Variants in DYRK4 observed in about 807,000 individuals in gnomAD.
The protein encoded by DYRK4 is dual specificity tyrosine-phosphorylation-regulated kinase 4.
A neutral mutation model predicts 68.3 loss-of-function variants in DYRK4; 64 were observed. That is an observed-to-expected ratio of 0.94 (90% CI 0.77 to 1.15). The LOEUF (loss-of-function observed/expected upper bound fraction) is 1.15, where lower values mean the gene tolerates loss of function less well. Ranked by LOEUF, DYRK4 falls within the 50% of genes most tolerant of loss-of-function variation. DYRK4 has a pLI of 0.00. For synonymous variants in DYRK4, 274 were observed against 289.9 expected (o/e 0.95, Z 0.56); for missense variants, 740 against 764.7 (o/e 0.97, Z 0.38).
At chr12:4,597,122 C>A in intron 8 of DYRK4, 1 of 1,067,654 alleles carries the variant, frequency 9.4e-7, no homozygotes, top group Non-Finnish European at 1.1e-6. Flanking sequence ...AGGCAGCTGG[C>A]TGCTCAGAGT....
At chr12:4,585,569 A>T (rs1565535757) in intron 2 of DYRK4, among the ~76,000 whole-genome samples, 1 of 151,444 alleles carries the variant, frequency 6.6e-6, no homozygotes, top group African/African-American at 2.4e-5. Context: ...ACAGGTGGGA[A>T]TTGAACAATG....
chr12:4,588,983 T>C lies in DYRK4; in HGVS notation c.179T>C (p.Ile60Thr). ...CAGATCCAGAAGCCACCTTCCAATA[T>C]CAAGAACTCCAGAATGACCCAAGTC... ...SVQIQKPPSN[I>T]KNSRMTQVFH... is the part of the protein sequence containing the mutation. The change falls in exon 3 of 15, where the codon ATC becomes ACC. Residue 60 changes from isoleucine (I) to threonine (T), a missense_variant. Transcript: ENST00000543431. The C allele has an allele frequency of 3.3e-6, 5 of 1,536,114 alleles. No individual in the cohort carries two copies.
intron 12 of DYRK4, among the ~76,000 whole-genome samples, chr12:4,608,623 T>TA (rs1194630588): frequency 6.6e-6 from 1 of 152,108 alleles, no homozygotes; most frequent in Non-Finnish European, 1.5e-5. Flanking sequence ...CAGGACTCCT[T>TA]AAACTCTCCA....
In DYRK4 at chr12:4,601,920, C is replaced by T. The variant is rs1274315734; in HGVS notation, c.1126+2132C>T. 2.5e-5 allele frequency: 6 copies of T among 237,918 alleles called. 1 individual carries two copies. The East Asian group carries it at 8.1e-4, about 32-fold the overall frequency. 14.7% of individuals were successfully genotyped at this position (237,918 alleles called of 1,614,324 possible). On this transcript the variant is annotated intron_variant, in intron 10 of 14. Coordinates refer to ENST00000543431, the MANE Select transcript of DYRK4 (RefSeq NM_001394779.1). ...TGTGTGTGTGTGTGTGTATCTTTGT[C>T]CTGTTTGAATACCAAAGTTGCATCT...
At chr12:4,583,835 G>A (rs1377873859) in intron 2 of DYRK4, among the ~76,000 whole-genome samples, 1 of 152,212 alleles carries the variant, frequency 6.6e-6, no homozygotes, top group Non-Finnish European at 1.5e-5. Flanking sequence ...ACTCCCTCCT[G>A]AGACACGCAG....
At chr12:4,589,561 T>G (rs895344045) in intron 3 of DYRK4, among the ~76,000 whole-genome samples, 1 of 152,240 alleles carries the variant, frequency 6.6e-6, no homozygotes, top group African/African-American at 2.4e-5. Flanking sequence ...ATCCCATAAA[T>G]AAGTGAGAAC....
chr12:4,588,056 T>A (rs1280867840), intron 2 of DYRK4, among the ~76,000 whole-genome samples: 1 of 152,208 alleles, frequency 6.6e-6, no homozygotes, highest in Non-Finnish European at 1.5e-5. Flanking sequence ...CACTCTGTTT[T>A]GTTTTATTAT....
chr12:4,594,266 C>T (rs749357548), intron 6 of DYRK4, among the ~76,000 whole-genome samples: 3 of 152,110 alleles, frequency 2.0e-5, no homozygotes, highest in Non-Finnish European at 4.4e-5. Flanking sequence ...TGGAGTTGCC[C>T]AGGCTGGAGT....
At chr12:4,577,870 T>G (rs1172916419) in intron 2 of DYRK4, among the ~76,000 whole-genome samples, 1 of 152,340 alleles carries the variant, frequency 6.6e-6, no homozygotes. Context: ...TAGTTAAGTA[T>G]TTCAGTTTCT....
Position 4,613,202 on chromosome 12 carries a change from G to C in DYRK4, c.1667-313G>C, listed in dbSNP as rs1184844957. On this transcript the variant is annotated intron_variant, in intron 14 of 14. Transcript: ENST00000543431. The surrounding 1 kb of genome is among the most constrained non-coding windows in gnomAD (Gnocchi z 4.0). ...AGTGGTTAGGTACATGGTCACAAGA[G>C]TCAGGTTACCTGGGGATTAAATTCT... 6.6e-6 allele frequency among the ~76,000 whole-genome samples: 1 copy of C among 152,182 alleles called. No individual in the cohort carries two copies. The highest frequency in any genetic ancestry group is 2.4e-5 in the African/African-American group (1 of 41,432).
chr12:4,583,950 C>T (rs955658862), intron 2 of DYRK4, among the ~76,000 whole-genome samples: 6 of 152,242 alleles, frequency 3.9e-5, no homozygotes, highest in South Asian at 2.1e-4. Flanking sequence ...CCGCCCCGCC[C>T]GATGACCCAG....
At chr12:4,607,655 T>C (rs1427263425) in intron 12 of DYRK4, among the ~76,000 whole-genome samples, 1 of 152,078 alleles carries the variant, frequency 6.6e-6, no homozygotes, top group African/African-American at 2.4e-5. Flanking sequence ...TATCAGCAAA[T>C]ATTGCAACCT....
At chr12:4,596,438 A>G (rs752844548) in intron 7 of DYRK4, 151 bp from the exon 8 acceptor site, 243 of 1,503,042 alleles carry the variant, frequency 1.6e-4, no homozygotes, top group Non-Finnish European at 2.0e-4. Context: ...TGAGGGGGCA[A>G]AGAGGAGGTG....
intron 2 of DYRK4, among the ~76,000 whole-genome samples, chr12:4,570,098 G>C (rs917487609): frequency 6.6e-6 from 1 of 150,880 alleles, no homozygotes; most frequent in African/African-American, 2.4e-5. Context: ...CAAATTAGCT[G>C]GGTGTGGTAG....
rs767395194 is a variant in DYRK4, at chr12:4,596,747, C to G, written c.905+18C>G. Reference sequence around the variant, plus strand: ...CTCCTGGGGTCAGCTGCCTTTTCTTCTTAACTCATTTTCTCTGGAAAAGTT... The same window carrying G: ...CTCCTGGGGTCAGCTGCCTTTTCTTGTTAACTCATTTTCTCTGGAAAAGTT... On this transcript the variant is annotated intron_variant, in intron 8 of 14. Transcript: ENST00000543431. 5 of 1,612,056 alleles carry G rather than the reference C, an allele frequency of 3.1e-6. No homozygotes were observed.
Position 4,613,417 on chromosome 12 carries a change from GTCA to G in DYRK4, c.1667-95_1667-93del. 1 of 1,441,922 alleles carries G rather than the reference GTCA, an allele frequency of 6.9e-7. No individual in the cohort carries two copies. Among genetic ancestry groups the G allele is most frequent in the Non-Finnish European group, 9.4e-7 (1 of 1,065,608 alleles). The allele number at this position is 1,441,922 out of a possible 1,614,324, so 89.3% of individuals were successfully genotyped here. On this transcript the variant is annotated intron_variant, in intron 14 of 14. Coordinates refer to ENST00000543431, the MANE Select transcript of DYRK4 (RefSeq NM_001394779.1). This position sits in a 1 kb window ranked among gnomAD's most constrained non-coding sequence, Gnocchi z 4.0. ...AATGAACTGTTTTTATATCATCACGGTCATCGTTTCCACTAAGTGATGTACAAC... is the reference window on the plus strand; with the variant it reads ...AATGAACTGTTTTTATATCATCACGGTCGTTTCCACTAAGTGATGTACAAC...
chr12:4,570,190 G>A (rs897200616), intron 2 of DYRK4, among the ~76,000 whole-genome samples: 8 of 151,844 alleles, frequency 5.3e-5, no homozygotes, highest in Admixed American at 5.3e-4. Flanking sequence ...GCAGTGAGCC[G>A]TGCTTGCGCC....
Position 4,591,273 on chromosome 12 carries a change from G to A in DYRK4, c.438G>A (p.Lys146=). 6.2e-7 allele frequency: 1 copy of A among 1,614,108 alleles called. No individual in the cohort carries two copies. The highest frequency in any genetic ancestry group is 8.5e-7 in the Non-Finnish European group (1 of 1,179,998). ...AGGCAGAGGAGAAGTCACCAAAGAAGCAAAAGGTGACTCTGACAGCGGCAG... is the reference window on the plus strand; with the variant it reads ...AGGCAGAGGAGAAGTCACCAAAGAAACAAAAGGTGACTCTGACAGCGGCAG... ...DPKAEEKSPK[K]QKVTLTAAEA... Residue 146 remains lysine, a synonymous_variant, in exon 5 of 15, where the codon AAG becomes AAA. Transcript: ENST00000543431. This position sits in a 1 kb window ranked among gnomAD's most constrained non-coding sequence, Gnocchi z 4.1.
At chr12:4,572,669 C>T (rs1387071221) in intron 2 of DYRK4, among the ~76,000 whole-genome samples, 3 of 152,174 alleles carry the variant, frequency 2.0e-5, no homozygotes, top group Non-Finnish European at 4.4e-5. Flanking sequence ...TGTGAGACCT[C>T]AGGTCATTAA....
Sources: allele counts gnomAD v4.1 joint callset (sites outside exome capture counted in the v4.1 genomes callset), GRCh38; gene constraint gnomAD v4.1.1; non-coding constraint Gnocchi (gnomAD v3.1); transcripts MANE v1.5; gene names NCBI Gene and HGNC (gene_info 2026-07-23, HGNC 2026-07-21).